The following NDUFA5 variants were observed in gnomAD, a reference collection of about 807,000 sequenced individuals.
NDUFA5 encodes the protein NADH:ubiquinone oxidoreductase subunit A5.
NDUFA5 carries 11 observed loss-of-function variants against 19.8 expected under a neutral mutation model. The observed-to-expected ratio is 0.56, with a 90% confidence interval of 0.35 to 0.92. The LOEUF (loss-of-function observed/expected upper bound fraction) is 0.92. NDUFA5 is among the 40% of genes least tolerant of loss of function. The pLI is 0.01. For missense variants in NDUFA5, 109 were observed against 134.2 expected (o/e 0.81, Z 0.93); for synonymous variants, 47 against 46.8 (o/e 1.00, Z -0.01).
intron 2 of NDUFA5, chr7:123,556,175 C>G (rs888715727): frequency 4.6e-5 from 7 of 152,296 alleles, no homozygotes; most frequent in African/African-American, 1.7e-4. Flanking sequence ...AATAATTGAG[C>G]TGCCATTAAT....
chr7:123,593,844 A>T, the NDUFA5 span, among the ~76,000 whole-genome samples: 3 of 152,148 alleles, frequency 2.0e-5, no homozygotes, highest in African/African-American at 7.2e-5. Flanking sequence ...AGGTTGGGGA[A>T]GTTCTCCTGG....
At chr7:123,593,570 C>CT in the NDUFA5 span, among the ~76,000 whole-genome samples, 4 of 151,394 alleles carry the variant, frequency 2.6e-5, no homozygotes, top group Non-Finnish European at 4.4e-5. Context: ...GTTGAAAATT[C>CT]TTTTTTTTTC....
At chr7:123,563,203 C>A in the NDUFA5 span, among the ~76,000 whole-genome samples, 38 of 152,262 alleles carry the variant, frequency 2.5e-4, no homozygotes, top group Non-Finnish European at 4.6e-4. Context: ...GTGCAAGAGG[C>A]CTACTTTTTG....
intron 4 of NDUFA5, among the ~76,000 whole-genome samples, chr7:123,544,764 T>TAAAAAAAAAAAA (rs61556029): frequency 9.7e-5 from 6 of 61,834 alleles, no homozygotes; most frequent in Non-Finnish European, 1.5e-4. Context: ...ATGCAAATCT[T>TAAAAAAAAAAAA]AAAAAAAAAA....
chr7:123,557,583 G>C, intron 1 of NDUFA5, 135 bp from the exon 2 acceptor site: 6 of 1,612,838 alleles, frequency 3.7e-6, no homozygotes, highest in Non-Finnish European at 5.1e-6. Flanking sequence ...AGTCTCGCTT[G>C]TTTGGAGCTT....
chr7:123,558,736 A>G (rs914438566), upstream of NDUFA5, among the ~76,000 whole-genome samples: 5 of 152,200 alleles, frequency 3.3e-5, no homozygotes, highest in African/African-American at 1.2e-4. Context: ...AAACTGGTTA[A>G]GATTATGAAA....
At chr7:123,593,276 A>C in the NDUFA5 span, among the ~76,000 whole-genome samples, 1 of 152,062 alleles carries the variant, frequency 6.6e-6, no homozygotes, top group Non-Finnish European at 1.5e-5. Flanking sequence ...TTTACATTTA[A>C]GGTTAATATT....
In NDUFA5 at chr7:123,539,920, T is replaced by G. The variant is rs1055729299; in HGVS notation, c.*2199A>C. 3.3e-5 allele frequency: 5 copies of G among 152,178 alleles called. No homozygotes were observed. The highest frequency in any genetic ancestry group is 5.9e-5 in the Non-Finnish European group (4 of 68,026). The allele number at this position is 152,178 out of a possible 1,614,324, so 9.4% of individuals were successfully genotyped here. On this transcript the variant is annotated 3_prime_UTR_variant, in exon 5 of 5. Coordinates refer to ENST00000355749, the MANE Select transcript of NDUFA5 (RefSeq NM_005000.5). ...ACAGCCCATACAGCACAGGAAGAAG[T>G]CACAACATCCCAAGCATATTCATAA...
chr7:123,563,597 G>A, the NDUFA5 span, among the ~76,000 whole-genome samples: 10 of 152,188 alleles, frequency 6.6e-5, no homozygotes, highest in Non-Finnish European at 7.3e-5. Context: ...ACAGAAGCAT[G>A]AAGTGAGTAC....
the NDUFA5 span, among the ~76,000 whole-genome samples, chr7:123,577,654 G>A: frequency 6.6e-6 from 1 of 152,032 alleles, no homozygotes; most frequent in African/African-American, 2.4e-5. Flanking sequence ...AATAAACATA[G>A]CAAACATGTT....
the NDUFA5 span, among the ~76,000 whole-genome samples, chr7:123,569,770 G>C: frequency 6.6e-6 from 1 of 151,970 alleles, no homozygotes; most frequent in Non-Finnish European, 1.5e-5. Flanking sequence ...GGTGGTTGCA[G>C]GGGACATGTA....
chr7:123,539,229 C>G lies in NDUFA5; in HGVS notation c.*2890G>C, dbSNP rs1457660317. 1 of 152,160 alleles carries G rather than the reference C, an allele frequency of 6.6e-6. No homozygotes were observed. Among genetic ancestry groups the G allele is most frequent in the African/African-American group, 2.4e-5 (1 of 41,434 alleles). The allele number at this position is 152,160 out of a possible 1,614,324, so 9.4% of individuals were successfully genotyped here. A position where few individuals can be genotyped will look rare whatever the true frequency, so the allele number is the denominator to read the frequency against. On this transcript the variant is annotated 3_prime_UTR_variant, in exon 5 of 5. Coordinates refer to ENST00000355749, the MANE Select transcript of NDUFA5 (RefSeq NM_005000.5). ...GGTGCCCCCCTATATCTTGTTTGCCCAGGACAGTCATGGTGTACATCTGTT... is the reference window on the plus strand; with the variant it reads ...GGTGCCCCCCTATATCTTGTTTGCCGAGGACAGTCATGGTGTACATCTGTT...
chr7:123,581,142 C>A, the NDUFA5 span, among the ~76,000 whole-genome samples: 2 of 151,664 alleles, frequency 1.3e-5, no homozygotes, highest in Non-Finnish European at 2.9e-5. Context: ...CAGCTCTTTG[C>A]GGAGGAGGAG....
the NDUFA5 span, among the ~76,000 whole-genome samples, chr7:123,591,434 G>A: frequency 6.6e-6 from 1 of 152,268 alleles, no homozygotes; most frequent in Non-Finnish European, 1.5e-5. Context: ...TTGGCTGTGG[G>A]TTTGTCATAA....
chr7:123,570,449 T>C, the NDUFA5 span, among the ~76,000 whole-genome samples: 12 of 151,828 alleles, frequency 7.9e-5, no homozygotes, highest in Non-Finnish European at 2.9e-5. Context: ...GTTACTGGTA[T>C]AATATTCATG....
upstream of NDUFA5, among the ~76,000 whole-genome samples, chr7:123,560,861 A>G (rs1346646848): frequency 6.6e-6 from 1 of 152,204 alleles, no homozygotes; most frequent in Non-Finnish European, 1.5e-5. Flanking sequence ...AATCTGGGGG[A>G]CATAGTCCAT....
chr7:123,563,132 A>G, the NDUFA5 span, among the ~76,000 whole-genome samples: 2 of 152,092 alleles, frequency 1.3e-5, no homozygotes, highest in Non-Finnish European at 2.9e-5. Flanking sequence ...GTGTGTTAAC[A>G]GAGTAGCACT....
upstream of NDUFA5, chr7:123,558,006 G>C (rs564762962): frequency 1.5e-5 from 11 of 738,130 alleles, no homozygotes; most frequent in Non-Finnish European, 2.4e-5. Flanking sequence ...AGCTAAGCTA[G>C]AAGACGATTG....
At chr7:123,568,164 C>T in the NDUFA5 span, among the ~76,000 whole-genome samples, 1 of 152,094 alleles carries the variant, frequency 6.6e-6, no homozygotes, top group African/African-American at 2.4e-5. Flanking sequence ...TCTCACACTC[C>T]CACTGAGATT....
Sources: gnomAD v4.1 joint callset for allele counts (sites outside exome capture counted in the v4.1 genomes callset) on GRCh38, gnomAD v4.1.1 for gene constraint, MANE v1.5 for transcripts, NCBI Gene and HGNC (gene_info 2026-07-23, HGNC 2026-07-21) for gene names.